The following ALDOA variants were observed in gnomAD, a reference collection of about 807,000 sequenced individuals.
ALDOA encodes the protein aldolase, fructose-bisphosphate A.
In ALDOA, 26 loss-of-function variants were observed where a neutral mutation model predicts 43.9. The ratio of observed to expected loss-of-function variants is 0.59; its 90% CI spans 0.43 to 0.82. The LOEUF (loss-of-function observed/expected upper bound fraction) is 0.82, where lower values mean the gene tolerates loss of function less well. Ranked by LOEUF, ALDOA falls within the 40% of genes least tolerant of loss-of-function variation. The pLI, the probability that ALDOA is intolerant of heterozygous loss-of-function variation, is 0.00. For missense variants in ALDOA, 498 were observed against 549.5 expected, an observed-to-expected ratio of 0.91 and a Z score of 0.94; for synonymous variants, 258 against 222.6, an observed-to-expected ratio of 1.16 and a Z score of -1.42.
chr16:30,068,343 C>T (rs569708817), intron 4 of ALDOA: 16 of 394,408 alleles, frequency 4.1e-5, no homozygotes, highest in African/African-American at 2.1e-4. Flanking sequence ...GGATTACAGG[C>T]GTGAGCCACC....
Position 30,065,778 on chromosome 16 carries a change from C to G in ALDOA, c.-163C>G, listed in dbSNP as rs2072076993. On this transcript the variant is annotated 5_prime_UTR_variant, in exon 1 of 10. Transcript: ENST00000642816. ...TCCGCCTGCCCGCCTCCTGCGCCGC[C>G]CCTTCCGAGGCTAAATCGGCTGCGT... The G allele has an allele frequency of 6.5e-6, 1 of 152,870 alleles. No individual in the cohort carries two copies. The highest frequency in any genetic ancestry group is 1.5e-5 in the Non-Finnish European group (1 of 68,162). 9.5% of individuals were successfully genotyped at this position (152,870 alleles called of 1,614,324 possible). A position where few individuals can be genotyped will look rare whatever the true frequency, so the allele number is the denominator to read the frequency against.
upstream of ALDOA, among the ~76,000 whole-genome samples, chr16:30,065,085 G>C (rs1438781220): frequency 6.6e-6 from 1 of 152,222 alleles, no homozygotes; most frequent in East Asian, 1.9e-4. Context: ...CGGCCCGGCG[G>C]AGAGCGCGCA....
At position 30,069,292 on chromosome 16, in the gene ALDOA, C is replaced by A; in HGVS notation, c.703-14C>A. Reference sequence around the variant, plus strand: ...TTAGGAGGCCTCACAGTGACCCTGTCCCTCGCCCTGCAGAATGGCATTGTG... The same window carrying A: ...TTAGGAGGCCTCACAGTGACCCTGTACCTCGCCCTGCAGAATGGCATTGTG... On this transcript the variant is annotated splice_polypyrimidine_tract_variant and intron_variant, in intron 6 of 9. Transcript: ENST00000642816. The A allele has an allele frequency of 6.2e-7, 1 of 1,614,056 alleles. No homozygotes were observed. Among genetic ancestry groups the A allele is most frequent in the East Asian group, 2.2e-5 (1 of 44,888 alleles).
chr16:30,067,703 G>A, intron 4 of ALDOA, 42 bp downstream of exon 4: 1 of 1,610,564 alleles, frequency 6.2e-7, no homozygotes. Flanking sequence ...AGATGGAAGT[G>A]GAGGAAGGAA....
upstream of ALDOA, among the ~76,000 whole-genome samples, chr16:30,065,372 G>C (rs984374928): frequency 6.6e-6 from 1 of 152,228 alleles, no homozygotes. Context: ...CCCGGGCCGC[G>C]CGCGCTGGGC....
In ALDOA at chr16:30,067,650, G is replaced by T. The variant is rs570385246; in HGVS notation, c.475G>T (p.Val159Leu). The T allele has an allele frequency of 7.4e-6, 12 of 1,614,158 alleles. No individual in the cohort carries two copies. The highest frequency in any genetic ancestry group is 1.0e-5 in the Non-Finnish European group (12 of 1,180,022). Residue 159 changes from valine to leucine, a missense_variant, in exon 4 of 10, where the codon GTG becomes TTG. Val to Leu is a conservative substitution (Grantham distance 32, BLOSUM62 1). Transcript: ENST00000642816. ...PQVIKSKGGV[V>L]GIKVDKGVVP... The stretch of plus-strand genomic sequence containing the variant: ...AGTTATCAAATCCAAGGGCGGTGTT[G>T]TGGGCATCAAGGTAAGGGGAGGGCC...
intron 4 of ALDOA, 143 bp downstream of exon 4, chr16:30,067,804 A>G (rs2072175180): frequency 5.6e-6 from 5 of 895,182 alleles, no homozygotes; most frequent in Non-Finnish European, 9.0e-6. Context: ...TTTACTCGAC[A>G]TTTTTAATCC....
intron 6 of ALDOA, 155 bp downstream of exon 6, chr16:30,069,133 C>T: frequency 7.3e-7 from 1 of 1,368,610 alleles, no homozygotes; most frequent in East Asian, 2.4e-5. Flanking sequence ...GCAGAGGGGC[C>T]AAGGAGGGAT....
upstream of ALDOA, chr16:30,064,551 T>C: frequency 2.5e-6 from 1 of 398,694 alleles, no homozygotes; most frequent in Non-Finnish European, 4.4e-6. Context: ...CCGACCCAAG[T>C]CTTCCTCCCC....
chr16:30,069,990 C>T lies in ALDOA; in HGVS notation c.1122C>T (p.Asn374=). ...AGGCCTGGGGCGGGAAGAAGGAGAA[C>T]CTGAAGGCTGCGCAGGAGGAGTATG... ...ALKAWGGKKE[N]LKAAQEEYVK... Residue 374 remains asparagine, a synonymous_variant, in exon 9 of 10, where the codon AAC becomes AAT. Transcript: ENST00000642816. 1 of 1,613,828 alleles carries T rather than the reference C, an allele frequency of 6.2e-7. No individual in the cohort carries two copies. Among genetic ancestry groups the T allele is most frequent in the Non-Finnish European group, 8.5e-7 (1 of 1,180,020 alleles).
At chr16:30,068,735 A>G in intron 5 of ALDOA, 35 bp downstream of exon 5, 1 of 1,614,218 alleles carries the variant, frequency 6.2e-7, no homozygotes, top group Non-Finnish European at 8.5e-7. Context: ...CTACGAACCC[A>G]ACCAGAGCAG....
chr16:30,066,011 G>T, intron 1 of ALDOA, 84 bp downstream of exon 1: 1 of 153,198 alleles, frequency 6.5e-6, no homozygotes, highest in Non-Finnish European at 1.5e-5. Context: ...TCCGCGTGGA[G>T]GCCTCCCCCA....
At chr16:30,066,745 A>T in intron 1 of ALDOA, 140 bp from the exon 2 acceptor site, 1 of 913,240 alleles carries the variant, frequency 1.1e-6, no homozygotes, top group Non-Finnish European at 1.6e-6. Flanking sequence ...TTCTAATCTC[A>T]GATCTGGCTC....
In ALDOA at chr16:30,065,827, G is replaced by C. The variant is rs908938116; in HGVS notation, c.-114G>C. 16 of 152,952 alleles carry C rather than the reference G, an allele frequency of 1.0e-4. No homozygotes were observed. The highest frequency in any genetic ancestry group is 3.4e-4 in the African/African-American group (14 of 41,566). The allele number at this position is 152,952 out of a possible 1,614,324, so 9.5% of individuals were successfully genotyped here. A position where few individuals can be genotyped will look rare whatever the true frequency, so the allele number is the denominator to read the frequency against. Reference sequence around the variant, plus strand: ...GTTCCTCTCGGAACGCGCCGCAGAAGGGGTCCTGGTGACGAGTCCCGCGTT... The same window carrying C: ...GTTCCTCTCGGAACGCGCCGCAGAACGGGTCCTGGTGACGAGTCCCGCGTT... On this transcript the variant is annotated 5_prime_UTR_variant, in exon 1 of 10. Coordinates refer to ENST00000642816, the MANE Select transcript of ALDOA (RefSeq NM_001243177.4).
chr16:30,070,232 GCCC>G lies in ALDOA; in HGVS notation c.*23_*25del. The G allele has an allele frequency of 6.2e-7, 1 of 1,612,692 alleles. No individual in the cohort carries two copies. The highest frequency in any genetic ancestry group is 8.5e-7 in the Non-Finnish European group (1 of 1,178,850). The stretch of plus-strand genomic sequence containing the variant: ...TATTAAGCGGAGGTGTTCCCAGGCT[GCCC>G]CCAACACTCCAGGCCCTGCCCCCTC... On this transcript the variant is annotated 3_prime_UTR_variant, in exon 10 of 10. Transcript: ENST00000642816.
chr16:30,065,548 G>GT (rs2072067490), upstream of ALDOA: 1 of 152,336 alleles, frequency 6.6e-6, no homozygotes, highest in Non-Finnish European at 1.5e-5. Flanking sequence ...CGACCCGCGG[G>GT]ATGTGGTCCG....
chr16:30,069,763 C>T (rs1218879922), intron 8 of ALDOA, 67 bp from the exon 9 acceptor site: 4 of 1,611,908 alleles, frequency 2.5e-6, no homozygotes, highest in Admixed American at 1.7e-5. Flanking sequence ...ATGGCAACTT[C>T]CACCAGCTCC....
rs753301798 is a variant in ALDOA, at chr16:30,070,041, C to T, written c.1161+12C>T. The T allele has an allele frequency of 5.3e-5, 85 of 1,613,586 alleles. No individual in the cohort carries two copies. The highest frequency in any genetic ancestry group is 6.8e-5 in the Non-Finnish European group (80 of 1,179,992). ...TCAAGCGAGCCCTGGTAAGGATAGG[C>T]AGGAGGTGGGCAGGGTGCCTGGGTG... On this transcript the variant is annotated intron_variant, in intron 9 of 9. Coordinates refer to ENST00000642816, the MANE Select transcript of ALDOA (RefSeq NM_001243177.4).
upstream of ALDOA, chr16:30,064,363 C>G (rs1473318398): frequency 1.8e-5 from 7 of 398,672 alleles, no homozygotes; most frequent in Non-Finnish European, 3.1e-5. Context: ...AGAGAAGGAG[C>G]CAGGGAGGGT....
Sources: allele counts gnomAD v4.1 joint callset (sites outside exome capture counted in the v4.1 genomes callset), GRCh38; gene constraint gnomAD v4.1.1; transcripts MANE v1.5; gene names NCBI Gene and HGNC (gene_info 2026-07-23, HGNC 2026-07-21).